The following NEDD4L variants were observed in gnomAD, a reference collection of about 807,000 sequenced individuals.
NEDD4L encodes the protein E3 ubiquitin-protein ligase NEDD4-like.
A neutral mutation model predicts 148.9 loss-of-function variants in NEDD4L; 54 were observed. The observed-to-expected ratio is 0.36, with a 90% confidence interval of 0.29 to 0.45. The LOEUF (loss-of-function observed/expected upper bound fraction) is 0.45. NEDD4L is among the 20% of genes least tolerant of loss of function. The pLI, the probability that NEDD4L is intolerant of heterozygous loss-of-function variation, is 1.00. For synonymous variants in NEDD4L, 433 were observed against 440.7 expected, an observed-to-expected ratio of 0.98 and a Z score of 0.22; for missense variants, 856 against 1,233.8, an observed-to-expected ratio of 0.69 and a Z score of 4.59.
intron 1 of NEDD4L, among the ~76,000 whole-genome samples, chr18:58,146,059 G>T (rs769170725): frequency 6.6e-6 from 1 of 152,096 alleles, no homozygotes; most frequent in Non-Finnish European, 1.5e-5. Context: ...CCTGAAAAAT[G>T]GGATTAAAAG....
intron 2 of NEDD4L, among the ~76,000 whole-genome samples, chr18:58,220,803 C>T (rs73961533): frequency 5.0e-4 from 76 of 152,240 alleles, no homozygotes; most frequent in African/African-American, 1.8e-3. Flanking sequence ...TAGTGCCCAT[C>T]GCAGGCAGAG....
rs1047561301 is a variant in NEDD4L, at chr18:58,265,992, A to C, written c.297+13938A>C. 8.5e-5 allele frequency among the ~76,000 whole-genome samples: 13 copies of C among 152,102 alleles called. 1 individual carries two copies. Among genetic ancestry groups the C allele is most frequent in the Admixed American group, 7.9e-4 (12 of 15,268 alleles). On this transcript the variant is annotated intron_variant, in intron 5 of 30. Coordinates refer to ENST00000400345, the MANE Select transcript of NEDD4L (RefSeq NM_001144967.3). ...TGCATTTCTTTTTGTTGGATATGAC[A>C]TTTATGTAAGAAAAATGCTAATCTG...
intron 5 of NEDD4L, among the ~76,000 whole-genome samples, chr18:58,270,111 G>C (rs579391): frequency 5.4e-4 from 82 of 152,276 alleles, no homozygotes; most frequent in African/African-American, 1.9e-3. Context: ...CTTTTCTCCA[G>C]GTAACTAAAG....
At chr18:58,393,597 C>T (rs1318614531) in intron 30 of NEDD4L, among the ~76,000 whole-genome samples, 1 of 152,208 alleles carries the variant, frequency 6.6e-6, no homozygotes, top group Non-Finnish European at 1.5e-5. Context: ...CTGGCAGTTG[C>T]AAGCAACACT....
At chr18:58,195,741 C>T in intron 2 of NEDD4L, 3 of 1,344,832 alleles carry the variant, frequency 2.2e-6, no homozygotes, top group Non-Finnish European at 3.0e-6. Context: ...CTGGTAAGTG[C>T]CACCGAAGGT....
At chr18:58,239,336 C>G (rs146682052) in intron 2 of NEDD4L, among the ~76,000 whole-genome samples, 49 of 152,320 alleles carry the variant, frequency 3.2e-4, no homozygotes, top group Admixed American at 1.5e-3. Flanking sequence ...TGGAGGCACA[C>G]TTGAAAAATG....
intron 1 of NEDD4L, among the ~76,000 whole-genome samples, chr18:58,121,677 G>A (rs1436065551): frequency 1.3e-5 from 2 of 152,152 alleles, no homozygotes; most frequent in South Asian, 2.1e-4. Flanking sequence ...CGAAAGTGCT[G>A]GGATTGCAGG....
chr18:58,330,959 T>C lies in NEDD4L; in HGVS notation c.990+45T>C, dbSNP rs775962736. The C allele has an allele frequency of 8.2e-6, 13 of 1,581,758 alleles. No homozygotes were observed. The African/African-American group carries it at 1.5e-4, about 18-fold the overall frequency. Reference sequence around the variant, plus strand: ...GAAAGAAAAGCTGAGCAATGTTTTATTGTTTTTTGTTGCTTAAGGAGAATC... The same window carrying C: ...GAAAGAAAAGCTGAGCAATGTTTTACTGTTTTTTGTTGCTTAAGGAGAATC... On this transcript the variant is annotated intron_variant, in intron 11 of 30. Transcript: ENST00000400345.
intron 5 of NEDD4L, among the ~76,000 whole-genome samples, chr18:58,262,858 G>A (rs1291246431): frequency 1.3e-5 from 2 of 152,168 alleles, no homozygotes; most frequent in Admixed American, 6.5e-5. Context: ...TTCATGCCAT[G>A]TCCTAAACGG....
chr18:58,347,225 C>T (rs1169896964), intron 16 of NEDD4L, among the ~76,000 whole-genome samples: 1 of 119,332 alleles, frequency 8.4e-6, no homozygotes, highest in Non-Finnish European at 1.8e-5. Flanking sequence ...CCCCCCCCCC[C>T]CCTTTAAATC....
intron 2 of NEDD4L, among the ~76,000 whole-genome samples, chr18:58,185,097 C>G (rs904750999): frequency 6.6e-6 from 1 of 152,162 alleles, no homozygotes; most frequent in Non-Finnish European, 1.5e-5. Context: ...AGGCACTGTA[C>G]TTGTAGCAGC....
At chr18:58,335,353 TG>T in intron 12 of NEDD4L, 124 bp from the exon 13 acceptor site, 1 of 721,528 alleles carries the variant, frequency 1.4e-6, no homozygotes, top group Non-Finnish European at 2.5e-6. Context: ...CTGGATAGGG[TG>T]GGTTTCAGGG....
intron 2 of NEDD4L, among the ~76,000 whole-genome samples, chr18:58,194,568 A>G (rs939173993): frequency 6.6e-6 from 1 of 152,156 alleles, no homozygotes; most frequent in African/African-American, 2.4e-5. Context: ...AAACAGAAGA[A>G]ACCCCCTCTG....
At chr18:58,151,848 A>T (rs1393028607) in intron 1 of NEDD4L, among the ~76,000 whole-genome samples, 1 of 152,086 alleles carries the variant, frequency 6.6e-6, no homozygotes, top group Non-Finnish European at 1.5e-5. Flanking sequence ...GCCTGGACTG[A>T]TGGCCACTAG....
intron 1 of NEDD4L, among the ~76,000 whole-genome samples, chr18:58,135,853 G>A (rs2032780388): frequency 6.6e-6 from 1 of 152,234 alleles, no homozygotes; most frequent in Admixed American, 6.5e-5. Context: ...CCTGCAGGGA[G>A]AGCCCAGGTT....
chr18:58,244,875 T>G (rs2148403882), intron 2 of NEDD4L, among the ~76,000 whole-genome samples: 1 of 152,132 alleles, frequency 6.6e-6, no homozygotes, highest in East Asian at 1.9e-4. Context: ...TTTGTATTTT[T>G]AGTAGAGACA....
At chr18:58,148,446 G>T (rs547446510) in intron 1 of NEDD4L, among the ~76,000 whole-genome samples, 34 of 152,280 alleles carry the variant, frequency 2.2e-4, no homozygotes, top group Non-Finnish European at 4.3e-4. Flanking sequence ...GATTACAGAC[G>T]TGAGCCACTT....
chr18:58,148,158 C>T (rs1242641350), intron 1 of NEDD4L, among the ~76,000 whole-genome samples: 1 of 132,420 alleles, frequency 7.6e-6, no homozygotes, highest in Non-Finnish European at 1.6e-5. Flanking sequence ...TGATTCCACA[C>T]TGTTCTTTTT....
intron 2 of NEDD4L, among the ~76,000 whole-genome samples, chr18:58,219,462 G>C (rs1252523265): frequency 6.6e-6 from 1 of 152,174 alleles, no homozygotes; most frequent in Non-Finnish European, 1.5e-5. Flanking sequence ...TGTTTGCCAG[G>C]GCGGTCGTAA....
Sources: allele counts gnomAD v4.1 joint callset (sites outside exome capture counted in the v4.1 genomes callset), GRCh38; gene constraint gnomAD v4.1.1; transcripts MANE v1.5; gene names NCBI Gene and HGNC (gene_info 2026-07-23, HGNC 2026-07-21).